The following ACACA variants were observed in gnomAD, a reference collection of about 807,000 sequenced individuals.
ACACA encodes the protein acetyl-CoA carboxylase alpha.
A neutral mutation model predicts 296.1 loss-of-function variants in ACACA; 103 were observed. That is an observed-to-expected ratio of 0.35 (90% CI 0.30 to 0.41). ACACA has a LOEUF of 0.41. Among genes scored for constraint, ACACA ranks in the 10% least tolerant of loss-of-function variants. ACACA has a pLI of 1.00. For synonymous variants in ACACA, 953 were observed against 1,038.6 expected (o/e 0.92, Z 1.58); for missense variants, 1,554 against 2,989.7 (o/e 0.52, Z 11.20).
intron 54 of ACACA, among the ~76,000 whole-genome samples, chr17:37,096,594 C>G (rs2073006811): frequency 6.6e-6 from 1 of 152,190 alleles, no homozygotes; most frequent in African/African-American, 2.4e-5. Flanking sequence ...TCGCTGTGCT[C>G]TGTGCCCTTT....
Position 37,339,854 on chromosome 17 carries a change from G to T in ACACA, c.39-4C>A. ...AGATATCCACTTCCAAAAAGACCTA[G>T]AGAGAAAGAGAAAGATTTTAAGGTT... is the stretch of plus-strand genomic sequence containing the variant. On this transcript the variant is annotated splice_region_variant and splice_polypyrimidine_tract_variant and intron_variant, in intron 1 of 55. Coordinates refer to ENST00000616317, the MANE Select transcript of ACACA (RefSeq NM_198834.3). 1.6e-6 allele frequency: 2 copies of T among 1,250,532 alleles called. No individual in the cohort carries two copies. The highest frequency in any genetic ancestry group is 1.3e-5 in the South Asian group (1 of 78,996). The allele number at this position is 1,250,532 out of a possible 1,614,324, so 77.5% of individuals were successfully genotyped here.
At chr17:37,277,482 A>G (rs1260435446) in intron 6 of ACACA, among the ~76,000 whole-genome samples, 1 of 152,224 alleles carries the variant, frequency 6.6e-6, no homozygotes, top group Non-Finnish European at 1.5e-5. Context: ...TATTGATTAC[A>G]CTGCCATCTA....
At chr17:37,391,081 A>G (rs2050862884) in intron 1 of ACACA, among the ~76,000 whole-genome samples, 1 of 152,078 alleles carries the variant, frequency 6.6e-6, no homozygotes, top group South Asian at 2.1e-4. Flanking sequence ...AACTAAAAAT[A>G]CAAAAAATTA....
At chr17:37,347,634 G>A (rs370751443) in intron 1 of ACACA, among the ~76,000 whole-genome samples, 13 of 151,874 alleles carry the variant, frequency 8.6e-5, no homozygotes, top group East Asian at 1.9e-4. Context: ...CAGGTGCGGC[G>A]GCTCGCACCT....
intron 30 of ACACA, among the ~76,000 whole-genome samples, chr17:37,209,334 T>A (rs576684981): frequency 1.0e-3 from 156 of 152,332 alleles, no homozygotes; most frequent in Non-Finnish European, 2.0e-3. Context: ...TCTTTTCTAC[T>A]TGCTTGGCAT....
At chr17:37,280,867 T>TC (rs918244937) in intron 5 of ACACA, among the ~76,000 whole-genome samples, 1 of 151,982 alleles carries the variant, frequency 6.6e-6, no homozygotes, top group African/African-American at 2.4e-5. Context: ...GAAAACAAGG[T>TC]CCCCCTTGGC....
chr17:37,327,422 C>A (rs773140774), intron 3 of ACACA, among the ~76,000 whole-genome samples: 6 of 152,216 alleles, frequency 3.9e-5, no homozygotes, highest in Non-Finnish European at 7.3e-5. Context: ...TGAGTTGGAA[C>A]TGGCATTGTC....
At chr17:37,207,021 G>T (rs2078533261) in intron 31 of ACACA, 142 bp from the exon 32 acceptor site, 2 of 777,656 alleles carry the variant, frequency 2.6e-6, no homozygotes, top group Admixed American at 4.4e-5. Context: ...GTGGCTAGAG[G>T]TGACATGCAA....
chr17:37,116,195 G>A (rs2074245248), intron 50 of ACACA, among the ~76,000 whole-genome samples: 1 of 152,072 alleles, frequency 6.6e-6, no homozygotes, highest in South Asian at 2.1e-4. Context: ...GTTTCACCAC[G>A]TTGCCCAGAC....
At chr17:37,157,205 C>CTAAAGTCATTTGAG (rs1300441516) in intron 42 of ACACA, among the ~76,000 whole-genome samples, 1 of 152,038 alleles carries the variant, frequency 6.6e-6, no homozygotes, top group East Asian at 1.9e-4. Flanking sequence ...GAGTAAAGAC[C>CTAAAGTCATTTGAG]TAAAGGAGCT....
Position 37,342,406 on chromosome 17 carries a change from C to CAAA in ACACA, c.39-2559_39-2557dup, listed in dbSNP as rs1173872959. On this transcript the variant is annotated intron_variant, in intron 1 of 55. Transcript: ENST00000616317. Reference sequence around the variant, plus strand: ...CTGTGGACAAAGTAAGACTGTCTCTCAAAAAAAAAAAAAAAAAAAAAAAAA... The same window carrying CAAA: ...CTGTGGACAAAGTAAGACTGTCTCTCAAAAAAAAAAAAAAAAAAAAAAAAAAAA... Among the ~76,000 whole-genome samples the CAAA allele has an allele frequency of 2.3e-3, 49 of 21,118 alleles. 1 individual carries two copies. Among genetic ancestry groups the CAAA allele is most frequent in the South Asian group, 3.6e-3 (1 of 276 alleles). 13.9% of individuals were successfully genotyped at this position (21,118 alleles called of 152,430 possible). A position where few individuals can be genotyped will look rare whatever the true frequency, so the allele number is the denominator to read the frequency against.
chr17:37,314,036 A>G (rs2046970794), intron 3 of ACACA, among the ~76,000 whole-genome samples: 1 of 152,120 alleles, frequency 6.6e-6, no homozygotes, highest in African/African-American at 2.4e-5. Context: ...ACAATGGAGT[A>G]CTATTGAGCC....
chr17:37,303,140 T>G (rs1157261458), intron 3 of ACACA, among the ~76,000 whole-genome samples: 1 of 152,128 alleles, frequency 6.6e-6, no homozygotes, highest in East Asian at 1.9e-4. Context: ...CCATGCCCAG[T>G]AGCAGCCACT....
At chr17:37,305,151 A>AT (rs1371309066) in intron 3 of ACACA, among the ~76,000 whole-genome samples, 1 of 152,186 alleles carries the variant, frequency 6.6e-6, no homozygotes, top group African/African-American at 2.4e-5. Flanking sequence ...TAAAAATTGA[A>AT]TATAACCTGT....
At chr17:37,243,242 G>T in intron 22 of ACACA, 129 bp downstream of exon 22, 1 of 961,132 alleles carries the variant, frequency 1.0e-6, no homozygotes, top group Non-Finnish European at 1.6e-6. Flanking sequence ...GTTTTGTGAG[G>T]AATACAATGC....
chr17:37,225,657 CG>C (rs2079513249), intron 26 of ACACA: 1 of 174,204 alleles, frequency 5.7e-6, no homozygotes, highest in African/African-American at 2.4e-5. Flanking sequence ...AACAGTGACA[CG>C]GTAGGATCTG....
chr17:37,212,897 T>A, intron 29 of ACACA, among the ~76,000 whole-genome samples: 1 of 146,416 alleles, frequency 6.8e-6, no homozygotes, highest in Non-Finnish European at 1.5e-5. Flanking sequence ...AGATTAACAC[T>A]CTGTACCAAA....
chr17:37,148,959 G>A (rs531077898), intron 45 of ACACA, among the ~76,000 whole-genome samples: 1 of 152,284 alleles, frequency 6.6e-6, no homozygotes, highest in African/African-American at 2.4e-5. Flanking sequence ...GAGGAGCTGA[G>A]AGGTTATATA....
chr17:37,270,467 A>C (rs956374480), intron 10 of ACACA, among the ~76,000 whole-genome samples: 2 of 152,188 alleles, frequency 1.3e-5, no homozygotes, highest in Non-Finnish European at 2.9e-5. Flanking sequence ...AGCCATACGC[A>C]CCAGGTAGGA....
Sources: allele counts gnomAD v4.1 joint callset (sites outside exome capture counted in the v4.1 genomes callset), GRCh38; gene constraint gnomAD v4.1.1; transcripts MANE v1.5; gene names NCBI Gene and HGNC (gene_info 2026-07-23, HGNC 2026-07-21).